XYLT1: variants seen among roughly 807,000 people sequenced by gnomAD.
The protein encoded by XYLT1 is xylosyltransferase 1, also known as beta-D-xylosyltransferase 1.
Under a neutral mutation model 91.3 loss-of-function variants are expected in XYLT1, and 36 were observed. That is an observed-to-expected ratio of 0.39 (90% CI 0.30 to 0.52). The LOEUF is 0.52. Ranked by LOEUF, XYLT1 falls within the 20% of genes least tolerant of loss-of-function variation. The probability of loss-of-function intolerance (pLI) is 0.68; values close to 1 mark genes in which losing one functional copy is unlikely to be tolerated. For missense variants in XYLT1, 1,242 were observed against 1,284.5 expected (o/e 0.97, Z 0.51); for synonymous variants, 588 against 532.0 (o/e 1.11, Z -1.45).
At chr16:17,293,094 C>T (rs931308683) in intron 2 of XYLT1, among the ~76,000 whole-genome samples, 2 of 152,174 alleles carry the variant, frequency 1.3e-5, no homozygotes. Context: ...TTAGCTAACC[C>T]GTAAAGCGGG....
At chr16:17,162,282 C>T (rs1332098238) in intron 5 of XYLT1, among the ~76,000 whole-genome samples, 1 of 151,880 alleles carries the variant, frequency 6.6e-6, no homozygotes. Flanking sequence ...TGGGCATGTA[C>T]ACCTGTAGTC....
chr16:17,242,709 T>C (rs978916983), intron 3 of XYLT1, among the ~76,000 whole-genome samples: 13 of 152,216 alleles, frequency 8.5e-5, no homozygotes, highest in African/African-American at 3.1e-4. Flanking sequence ...GCAACCAATC[T>C]CCACAACTTT....
chr16:17,394,285 G>A (rs1000005321), intron 1 of XYLT1, among the ~76,000 whole-genome samples: 3 of 152,152 alleles, frequency 2.0e-5, no homozygotes, highest in Non-Finnish European at 4.4e-5. Context: ...GTACAGGGGT[G>A]GCTCATGTCA....
intron 2 of XYLT1, among the ~76,000 whole-genome samples, chr16:17,262,181 C>T (rs913133271): frequency 2.6e-5 from 4 of 152,234 alleles, no homozygotes; most frequent in Non-Finnish European, 5.9e-5. Flanking sequence ...GAGGAGCCAA[C>T]GCTTGTTGTG....
chr16:17,458,318 A>G (rs918096837), intron 1 of XYLT1, among the ~76,000 whole-genome samples: 1 of 152,188 alleles, frequency 6.6e-6, no homozygotes, highest in Non-Finnish European at 1.5e-5. Flanking sequence ...GGACCCATTC[A>G]TCATGCTAAT....
chr16:17,470,899 C>CGGG lies in XYLT1; in HGVS notation c.-104_-103insCCC, dbSNP rs2036984047. On this transcript the variant is annotated 5_prime_UTR_variant, in exon 1 of 12. Transcript: ENST00000261381. The stretch of plus-strand genomic sequence containing the variant: ...GCGGCCGCCGGCTGCCGCTCGGGCT[C>CGGG]CCGCTCGGGCCGCCGCCGCCGCCCC... The CGGG allele has an allele frequency of 9.5e-6, 7 of 738,842 alleles. No homozygotes were observed. Among genetic ancestry groups the CGGG allele is most frequent in the Admixed American group, 2.3e-3 (2 of 874 alleles). 45.8% of individuals were successfully genotyped at this position (738,842 alleles called of 1,614,324 possible).
intron 2 of XYLT1, among the ~76,000 whole-genome samples, chr16:17,303,635 T>G (rs746104549): frequency 7.2e-5 from 11 of 152,194 alleles, no homozygotes; most frequent in Non-Finnish European, 1.3e-4. Context: ...TACAATCCTT[T>G]TACATTTTCA....
chr16:17,180,112 G>T (rs2032033594), intron 5 of XYLT1, among the ~76,000 whole-genome samples: 1 of 152,210 alleles, frequency 6.6e-6, no homozygotes, highest in African/African-American at 2.4e-5. Flanking sequence ...CTTAGCACCT[G>T]CAGAAACTCA....
At chr16:17,398,551 T>C (rs1030788132) in intron 1 of XYLT1, among the ~76,000 whole-genome samples, 1 of 152,174 alleles carries the variant, frequency 6.6e-6, no homozygotes, top group African/African-American at 2.4e-5. Context: ...TCTTGCCAGC[T>C]GCCATAACAA....
chr16:17,390,051 C>T (rs1432132936), intron 1 of XYLT1, among the ~76,000 whole-genome samples: 1 of 152,212 alleles, frequency 6.6e-6, no homozygotes, highest in Non-Finnish European at 1.5e-5. Context: ...CCCATCTCTT[C>T]AGCATCTTCA....
intron 2 of XYLT1, among the ~76,000 whole-genome samples, chr16:17,356,603 G>C (rs2035298156): frequency 6.6e-6 from 1 of 152,062 alleles, no homozygotes; most frequent in Admixed American, 6.5e-5. Context: ...AGGACCCAAG[G>C]TGGAGGAGGC....
intron 9 of XYLT1, among the ~76,000 whole-genome samples, chr16:17,131,322 G>A (rs2030464056): frequency 1.3e-5 from 2 of 152,212 alleles, no homozygotes; most frequent in Non-Finnish European, 2.9e-5. Flanking sequence ...TAATCAAGAT[G>A]CCGCACAACC....
chr16:17,266,322 T>C (rs1192454080), intron 2 of XYLT1, among the ~76,000 whole-genome samples: 1 of 152,146 alleles, frequency 6.6e-6, no homozygotes, highest in African/African-American at 2.4e-5. Flanking sequence ...CGATCAAGCA[T>C]AGAAGATAGT....
chr16:17,166,668 T>G (rs1197921713), intron 5 of XYLT1, among the ~76,000 whole-genome samples: 1 of 144,682 alleles, frequency 6.9e-6, no homozygotes, highest in Non-Finnish European at 1.5e-5. Context: ...TGCACCACAA[T>G]GTCCAGCTAT....
At chr16:17,468,291 G>A (rs936235883) in intron 1 of XYLT1, among the ~76,000 whole-genome samples, 4 of 151,478 alleles carry the variant, frequency 2.6e-5, no homozygotes, top group Non-Finnish European at 4.4e-5. Context: ...ACAAGCAAAT[G>A]AAATAAAATA....
intron 8 of XYLT1, among the ~76,000 whole-genome samples, chr16:17,136,345 C>T (rs1236164734): frequency 1.3e-5 from 2 of 152,166 alleles, no homozygotes; most frequent in African/African-American, 4.8e-5. Context: ...GGGAAGCCCC[C>T]TGATCGTAAG....
At chr16:17,402,289 C>T (rs1048693869) in intron 1 of XYLT1, among the ~76,000 whole-genome samples, 1 of 151,700 alleles carries the variant, frequency 6.6e-6, no homozygotes, top group African/African-American at 2.4e-5. Flanking sequence ...CACTGTACTC[C>T]AGCCTGGGCA....
intron 5 of XYLT1, among the ~76,000 whole-genome samples, chr16:17,161,838 G>T (rs540402989): frequency 1.3e-5 from 2 of 152,134 alleles, no homozygotes; most frequent in East Asian, 3.9e-4. Context: ...ATGTCTCTTG[G>T]TCTATGCCAG....
intron 2 of XYLT1, among the ~76,000 whole-genome samples, chr16:17,285,874 CTGTGTGTGTG>C (rs56267931): frequency 0.071 from 10,345 of 145,146 alleles, 458 homozygotes; most frequent in Middle Eastern, 0.19. Flanking sequence ...TGGTGTATCT[CTGTGTGTGTG>C]TGTGTGTGTG....
Sources: allele counts gnomAD v4.1 joint callset (sites outside exome capture counted in the v4.1 genomes callset), GRCh38; gene constraint gnomAD v4.1.1; transcripts MANE v1.5; gene names NCBI Gene and HGNC (gene_info 2026-07-23, HGNC 2026-07-21).